Variants in EMB observed in about 807,000 individuals in gnomAD.
EMB encodes embigin homolog.
In EMB, 31 loss-of-function variants were observed where a neutral mutation model predicts 41.4. That is an observed-to-expected ratio of 0.75 (90% confidence interval 0.56 to 1.01). The LOEUF is 1.01. EMB is among the 50% of genes least tolerant of loss of function. EMB has a pLI of 0.00. For missense variants in EMB, 379 were observed against 388.3 expected (o/e 0.98, Z 0.20); for synonymous variants, 137 against 140.4 (o/e 0.98, Z 0.17).
intron 1 of EMB, among the ~76,000 whole-genome samples, chr5:50,439,375 C>T (rs1188021213): frequency 6.6e-6 from 1 of 151,956 alleles, no homozygotes; most frequent in Non-Finnish European, 1.5e-5. Flanking sequence ...TTAGTGGCAC[C>T]ATCACCATCA....
At chr5:50,440,852 G>A (rs1372606616) in intron 1 of EMB, among the ~76,000 whole-genome samples, 188 bp downstream of exon 1, 1 of 152,060 alleles carries the variant, frequency 6.6e-6, no homozygotes, top group Non-Finnish European at 1.5e-5. Context: ...CAGTTTCAGG[G>A]TTCAGCTTAG....
chr5:50,423,583 T>C (rs1035677586), intron 2 of EMB, among the ~76,000 whole-genome samples: 7 of 152,228 alleles, frequency 4.6e-5, no homozygotes, highest in Non-Finnish European at 1.0e-4. Flanking sequence ...TATTTTTGTT[T>C]TGTGACATGT....
intron 2 of EMB, among the ~76,000 whole-genome samples, chr5:50,421,825 C>T (rs1203972191): frequency 6.9e-6 from 1 of 144,446 alleles, no homozygotes; most frequent in Non-Finnish European, 1.5e-5. Flanking sequence ...CGTTCTCACT[C>T]ATAGATGGGA....
At chr5:50,440,922 A>C in intron 1 of EMB, 118 bp downstream of exon 1, 1 of 614,296 alleles carries the variant, frequency 1.6e-6, no homozygotes, top group Non-Finnish European at 2.4e-6. Context: ...CCTTACCAGC[A>C]TCCCCGCGCC....
At chr5:50,414,150 G>A (rs1002201755) in intron 2 of EMB, among the ~76,000 whole-genome samples, 2 of 152,124 alleles carry the variant, frequency 1.3e-5, no homozygotes, top group African/African-American at 4.8e-5. Context: ...AATTTCTCAA[G>A]CTCTTCTCAT....
chr5:50,423,289 T>C (rs1399481359), intron 2 of EMB, among the ~76,000 whole-genome samples: 2 of 151,978 alleles, frequency 1.3e-5, no homozygotes, highest in South Asian at 2.1e-4. Flanking sequence ...AAGAAACACA[T>C]TGAACAGCGT....
intron 1 of EMB, among the ~76,000 whole-genome samples, chr5:50,439,284 G>C (rs1023550672): frequency 2.3e-4 from 35 of 152,064 alleles, no homozygotes; most frequent in Admixed American, 1.5e-3. Flanking sequence ...ACCCAGAAGG[G>C]GGAAAAATGT....
Position 50,441,077 on chromosome 5 carries a change from A to C in EMB, c.75T>G (p.Ala25=). 1 of 1,514,148 alleles carries C rather than the reference A, an allele frequency of 6.6e-7. No individual in the cohort carries two copies. 93.8% of individuals were successfully genotyped at this position (1,514,148 alleles called of 1,614,324 possible). Residue 25 remains alanine, a synonymous_variant, in exon 1 of 9, where the codon GCT becomes GCG. Coordinates refer to ENST00000303221, the MANE Select transcript of EMB (RefSeq NM_198449.3). ...PRLLLLQCLL[A]AARPSSADGS... ...CGTCCGCCGAGCTTGGGCGCGCGGC[A>C]GCGAGAAGGCACTGGAGGAGGAGCA... is the stretch of plus-strand genomic sequence containing the variant.
chr5:50,411,093 C>T (rs1479109987), intron 3 of EMB, 104 bp downstream of exon 3: 2 of 1,184,892 alleles, frequency 1.7e-6, no homozygotes, highest in East Asian at 2.5e-5. Context: ...AGAATATTAG[C>T]ATAACATTCA....
At chr5:50,430,734 A>G (rs780462222) in intron 1 of EMB, among the ~76,000 whole-genome samples, 20 of 152,192 alleles carry the variant, frequency 1.3e-4, no homozygotes, top group Non-Finnish European at 2.2e-4. Context: ...TATATTTTAT[A>G]CAAATTGGCA....
chr5:50,431,479 A>G (rs1399270686), intron 1 of EMB, among the ~76,000 whole-genome samples: 1 of 152,204 alleles, frequency 6.6e-6, no homozygotes, highest in Non-Finnish European at 1.5e-5. Context: ...GAGTCACAAA[A>G]AGAAGTATAA....
intron 1 of EMB, among the ~76,000 whole-genome samples, chr5:50,430,739 T>C (rs35647517): frequency 0.072 from 10,944 of 152,214 alleles, 562 homozygotes; most frequent in Middle Eastern, 0.15. Context: ...TTTATACAAA[T>C]TGGCACATGA....
At chr5:50,436,386 G>T (rs568004384) in intron 1 of EMB, among the ~76,000 whole-genome samples, 2 of 152,008 alleles carry the variant, frequency 1.3e-5, no homozygotes, top group South Asian at 4.1e-4. Context: ...GAAAAACCTA[G>T]ATCCTATTAT....
intron 2 of EMB, among the ~76,000 whole-genome samples, chr5:50,425,390 C>T (rs1246151502): frequency 4.6e-5 from 7 of 151,986 alleles, no homozygotes; most frequent in Non-Finnish European, 8.8e-5. Context: ...GTGATTCCAA[C>T]GTTAACAAGT....
rs1579717774 is a variant in EMB at position 50,399,829 on chromosome 5, T to A, written c.966+30A>T. ...CCTATGTATATTGAATTTGACCTTT[T>A]ATTTGGAATATCATTCAGAAGTAAC... On this transcript the variant is annotated intron_variant, in intron 8 of 8. Coordinates refer to ENST00000303221, the MANE Select transcript of EMB (RefSeq NM_198449.3). 5 of 1,551,548 alleles carry A rather than the reference T, an allele frequency of 3.2e-6. No individual in the cohort carries two copies. The East Asian group carries it at 1.1e-4, about 35-fold the overall frequency.
intron 2 of EMB, among the ~76,000 whole-genome samples, chr5:50,414,291 AG>A (rs1414809237): frequency 6.6e-6 from 1 of 151,990 alleles, no homozygotes; most frequent in Non-Finnish European, 1.5e-5. Context: ...TGGGAGACTG[AG>A]GTGTGTGGGA....
At chr5:50,428,891 T>C (rs552519229) in intron 1 of EMB, among the ~76,000 whole-genome samples, 51 of 152,014 alleles carry the variant, frequency 3.4e-4, no homozygotes, top group Non-Finnish European at 7.4e-5. Context: ...TTTATTTTTA[T>C]TTTTATTTTT....
Position 50,428,180 on chromosome 5 carries a change from T to C in EMB, c.160A>G (p.Asn54Asp). 1 of 1,612,180 alleles carries C rather than the reference T, an allele frequency of 6.2e-7. No homozygotes were observed. The highest frequency in any genetic ancestry group is 2.2e-5 in the East Asian group (1 of 44,844). Residue 54 changes from asparagine (N) to aspartate (D), a missense_variant, in exon 2 of 9, where the codon AAC becomes GAC. Transcript: ENST00000303221. Reference sequence around the variant, plus strand: ...ATGTTATGACTCTCCAAGGAAAAGTTATTTGCCATTATTTCTTCTCTGAGA... The same window carrying C: ...ATGTTATGACTCTCCAAGGAAAAGTCATTTGCCATTATTTCTTCTCTGAGA... ...PPLREEIMANNFSLESHNISL... is the reference protein window; with the variant it reads ...PPLREEIMANDFSLESHNISL...
intron 5 of EMB, among the ~76,000 whole-genome samples, chr5:50,403,738 G>T (rs986083868): frequency 2.0e-5 from 3 of 151,846 alleles, no homozygotes; most frequent in Non-Finnish European, 4.4e-5. Context: ...TATTATAGAA[G>T]AATTAAAAAC....
Sources: gnomAD v4.1 joint callset for allele counts (sites outside exome capture counted in the v4.1 genomes callset) on GRCh38, gnomAD v4.1.1 for gene constraint, MANE v1.5 for transcripts, NCBI Gene and HGNC (gene_info 2026-07-23, HGNC 2026-07-21) for gene names.